The following MRS2 variants were observed in gnomAD, a reference collection of about 807,000 sequenced individuals.
MRS2 encodes the protein magnesium transporter MRS2, also known as magnesium transporter MRS2 homolog, mitochondrial.
Under a neutral mutation model 52.6 loss-of-function variants are expected in MRS2, and 40 were observed. The observed-to-expected ratio is 0.76, with a 90% CI of 0.59 to 0.99. MRS2 has a LOEUF of 0.99. Among genes scored for constraint, MRS2 ranks in the 50% least tolerant of loss-of-function variants. The pLI is 0.00. For synonymous variants in MRS2, 193 were observed against 195.9 expected (o/e 0.98, Z 0.13); for missense variants, 472 against 532.7 (o/e 0.89, Z 1.12).
At position 24,414,904 on chromosome 6, in the gene MRS2, T is replaced by A. The variant is rs571423904; in HGVS notation, c.589-129T>A. ...ATCTGGAATAGGCATTCTAGAATTA[T>A]CTATGTTCTGAAATGTTACCAGCAT... On this transcript the variant is annotated intron_variant, in intron 5 of 10. Coordinates refer to ENST00000378386, the MANE Select transcript of MRS2 (RefSeq NM_020662.4). The A allele has an allele frequency of 5.3e-6, 4 of 751,948 alleles. No homozygotes were observed. The Admixed American group carries it at 9.0e-5, about 17-fold the overall frequency. The allele number at this position is 751,948 out of a possible 1,614,324, so 46.6% of individuals were successfully genotyped here.
chr6:24,413,664 G>T (rs550535606), intron 5 of MRS2, among the ~76,000 whole-genome samples: 2 of 151,438 alleles, frequency 1.3e-5, no homozygotes, highest in African/African-American at 4.8e-5. Flanking sequence ...TTCTTAACCC[G>T]GAAGCAGTTC....
chr6:24,403,337 C>T (rs1761351933), intron 1 of MRS2, 101 bp downstream of exon 1: 2 of 1,168,868 alleles, frequency 1.7e-6, no homozygotes, highest in Non-Finnish European at 1.2e-6. Context: ...GCTCCGCGCC[C>T]TCCGCAGGCC....
chr6:24,410,678 A>AAT, intron 4 of MRS2: 1 of 1,371,952 alleles, frequency 7.3e-7, no homozygotes, highest in Non-Finnish European at 9.8e-7. Flanking sequence ...GTAAATAAAA[A>AAT]ATACTTTATC....
At chr6:24,403,342 C>A in intron 1 of MRS2, 106 bp downstream of exon 1, 1 of 1,138,442 alleles carries the variant, frequency 8.8e-7, no homozygotes, top group Non-Finnish European at 1.2e-6. Context: ...GCGCCCTCCG[C>A]AGGCCTCGGC....
intron 8 of MRS2, 75 bp downstream of exon 8, chr6:24,418,311 G>A: frequency 6.8e-7 from 1 of 1,478,706 alleles, no homozygotes; most frequent in South Asian, 1.4e-5. Flanking sequence ...AATATTTTGT[G>A]AGGAATTACG....
intron 3 of MRS2, among the ~76,000 whole-genome samples, chr6:24,408,751 GTC>G (rs887870173): frequency 2.8e-4 from 43 of 152,216 alleles, no homozygotes; most frequent in Middle Eastern, 3.4e-3. Context: ...TTTCTCTTTT[GTC>G]TCTCTTGTTG....
rs542184809 is a variant in MRS2, at chr6:24,411,750, G to A, written c.415-472G>A. 2.0e-5 allele frequency among the ~76,000 whole-genome samples: 3 copies of A among 152,108 alleles called. No homozygotes were observed. In the South Asian group the frequency reaches 6.2e-4, roughly 32 times the overall value. On this transcript the variant is annotated intron_variant, in intron 4 of 10. Transcript: ENST00000378386. ...GACGGGGTTTCACCATGTTGGCCAGGATGGTCTCGATCTCTTGACCTCATG... is the reference window on the plus strand; with the variant it reads ...GACGGGGTTTCACCATGTTGGCCAGAATGGTCTCGATCTCTTGACCTCATG...
In MRS2 at chr6:24,420,306, T is replaced by G. The variant is rs142312625; in HGVS notation, c.1107+1728T>G. ...ACAACCTGGCCCAGTAAAGTTACTT[T>G]GTCGTCTGCGCCCAAATAATCCTAC... is the stretch of plus-strand genomic sequence containing the variant. On this transcript the variant is annotated intron_variant, in intron 9 of 10. Coordinates refer to ENST00000378386, the MANE Select transcript of MRS2 (RefSeq NM_020662.4). Among the ~76,000 whole-genome samples the G allele has an allele frequency of 1.2e-3, 181 of 152,354 alleles. 2 individuals are homozygous for G. The East Asian group carries it at 0.034, about 28-fold the overall frequency.
chr6:24,419,990 C>T (rs1325728738), intron 9 of MRS2, among the ~76,000 whole-genome samples: 1 of 152,218 alleles, frequency 6.6e-6, no homozygotes, highest in African/African-American at 2.4e-5. Context: ...CCCACATCAC[C>T]TCCCATTAGG....
At chr6:24,407,262 A>G (rs892615168) in intron 2 of MRS2, among the ~76,000 whole-genome samples, 19 of 152,232 alleles carry the variant, frequency 1.2e-4, no homozygotes, top group Admixed American at 3.9e-4. Flanking sequence ...AAGCTAGACT[A>G]TTACACAAAT....
rs377070141 is a variant in MRS2, at chr6:24,414,404, C to T, written c.589-629C>T. 1.7e-4 allele frequency among the ~76,000 whole-genome samples: 26 copies of T among 151,862 alleles called. No individual in the cohort carries two copies. In the East Asian group the frequency reaches 3.9e-3, roughly 23 times the overall value. On this transcript the variant is annotated intron_variant, in intron 5 of 10. Coordinates refer to ENST00000378386, the MANE Select transcript of MRS2 (RefSeq NM_020662.4). Reference sequence around the variant, plus strand: ...CTGTTTAACAAAGCACATCTTGCACCGCCCTTAATCCATTTAACCCTGAGT... The same window carrying T: ...CTGTTTAACAAAGCACATCTTGCACTGCCCTTAATCCATTTAACCCTGAGT...
At chr6:24,411,124 A>G (rs1761634585) in intron 4 of MRS2, among the ~76,000 whole-genome samples, 1 of 151,394 alleles carries the variant, frequency 6.6e-6, no homozygotes, top group African/African-American at 2.4e-5. Flanking sequence ...CTGAAGGTGG[A>G]GGTTGCAGTG....
chr6:24,418,427 C>G, intron 8 of MRS2, 34 bp from the exon 9 acceptor site: 1 of 1,612,198 alleles, frequency 6.2e-7, no homozygotes. Flanking sequence ...AGTTAGTGGG[C>G]CCTTCTAATC....
chr6:24,418,708 G>C, intron 9 of MRS2, 130 bp downstream of exon 9: 1 of 663,576 alleles, frequency 1.5e-6, no homozygotes, highest in African/African-American at 1.8e-5. Context: ...AGACCAACCT[G>C]GCCAACATGG....
At chr6:24,420,591 AAAGT>A (rs1762013333) in intron 9 of MRS2, among the ~76,000 whole-genome samples, 2 of 152,256 alleles carry the variant, frequency 1.3e-5, no homozygotes, top group South Asian at 4.1e-4. Flanking sequence ...ATAAACAAAC[AAAGT>A]ATGTTAAGTG....
At chr6:24,411,894 C>T (rs1286557408) in intron 4 of MRS2, among the ~76,000 whole-genome samples, 2 of 148,894 alleles carry the variant, frequency 1.3e-5, no homozygotes, top group Non-Finnish European at 3.0e-5. Flanking sequence ...TCATGATTAC[C>T]CCAGAAGTCT....
At chr6:24,405,484 G>C (rs907398111) in intron 2 of MRS2, among the ~76,000 whole-genome samples, 1 of 152,132 alleles carries the variant, frequency 6.6e-6, no homozygotes, top group Non-Finnish European at 1.5e-5. Flanking sequence ...TCACAATTCA[G>C]AGCCATAAAG....
At chr6:24,412,479 C>A in intron 5 of MRS2, 84 bp downstream of exon 5, 1 of 1,108,090 alleles carries the variant, frequency 9.0e-7, no homozygotes, top group Non-Finnish European at 1.3e-6. Flanking sequence ...GGTATTGTTT[C>A]AATGGCATGT....
chr6:24,406,391 C>G lies in MRS2; in HGVS notation c.264+1150C>G, dbSNP rs1328979806. Among the ~76,000 whole-genome samples, 5 of 148,920 alleles carry G rather than the reference C, an allele frequency of 3.4e-5. No homozygotes were observed. In the East Asian group the frequency reaches 9.9e-4, roughly 30 times the overall value. ...TAACATAAGAGCTTTTCTTTATAAA[C>G]TATATAAAATTAAATAACCCCCAGA... On this transcript the variant is annotated intron_variant, in intron 2 of 10. Coordinates refer to ENST00000378386, the MANE Select transcript of MRS2 (RefSeq NM_020662.4).
Sources: gnomAD v4.1 joint callset for allele counts (sites outside exome capture counted in the v4.1 genomes callset) on GRCh38, gnomAD v4.1.1 for gene constraint, MANE v1.5 for transcripts, NCBI Gene and HGNC (gene_info 2026-07-23, HGNC 2026-07-21) for gene names.